Variants in MBD5 observed in about 807,000 individuals in gnomAD.
MBD5 encodes the protein methyl-CpG-binding domain protein 5.
MBD5 carries 13 observed loss-of-function variants against 117.3 expected under a neutral mutation model. The ratio of observed to expected loss-of-function variants is 0.11; its 90% CI spans 0.07 to 0.18. The LOEUF (loss-of-function observed/expected upper bound fraction) is 0.18, where lower values mean the gene tolerates loss of function less well. MBD5 is among the 10% of genes least tolerant of loss of function. MBD5 has a pLI of 1.00. For synonymous variants in MBD5, 727 were observed against 766.4 expected (o/e 0.95, Z 0.85); for missense variants, 1,879 against 2,093.8 (o/e 0.90, Z 2.00).
chr2:148,055,267 T>C (rs564909852), intron 1 of MBD5: 4 of 152,100 alleles, frequency 2.6e-5, no homozygotes, highest in Non-Finnish European at 4.4e-5. Context: ...CTTTTTTGTC[T>C]GTTTAAGTTT....
At chr2:148,421,362 G>C (rs976228354) in intron 4 of MBD5, among the ~76,000 whole-genome samples, 1 of 152,114 alleles carries the variant, frequency 6.6e-6, no homozygotes, top group Non-Finnish European at 1.5e-5. Flanking sequence ...AAGCCATGAG[G>C]GGCTGTGCCA....
At chr2:148,507,794 A>AT (rs912799144) in intron 12 of MBD5, among the ~76,000 whole-genome samples, 62 of 152,004 alleles carry the variant, frequency 4.1e-4, no homozygotes, top group African/African-American at 1.4e-3. Context: ...GCACATAGAC[A>AT]TTTTTTAATA....
intron 4 of MBD5, among the ~76,000 whole-genome samples, chr2:148,417,061 T>TA (rs1226496684): frequency 6.6e-6 from 1 of 152,194 alleles, no homozygotes; most frequent in Non-Finnish European, 1.5e-5. Flanking sequence ...AATTTGACTC[T>TA]ATTTCTTTGC....
At chr2:148,347,541 AG>A in intron 4 of MBD5, 1 of 152,034 alleles carries the variant, frequency 6.6e-6, no homozygotes, top group South Asian at 2.1e-4. Context: ...TGAGCAAGTA[AG>A]CCCCTAGAAA....
chr2:148,091,025 A>C lies in MBD5; in HGVS notation c.-925+69341A>C, dbSNP rs1421899926. Reference sequence around the variant, plus strand: ...CAAGTCAGTAGCACTGCTATATGCCAACAATGACCAAGCTGAGAACTCAAC... The same window carrying C: ...CAAGTCAGTAGCACTGCTATATGCCCACAATGACCAAGCTGAGAACTCAAC... On this transcript the variant is annotated intron_variant, in intron 1 of 13. Coordinates refer to ENST00000642680, the MANE Select transcript of MBD5 (RefSeq NM_001378120.1). Among the ~76,000 whole-genome samples, 3 of 152,176 alleles carry C rather than the reference A, an allele frequency of 2.0e-5. No homozygotes were observed. The East Asian group carries it at 5.8e-4, about 29-fold the overall frequency.
chr2:148,141,567 G>A (rs1697314616), intron 1 of MBD5, among the ~76,000 whole-genome samples: 1 of 152,034 alleles, frequency 6.6e-6, no homozygotes, highest in Admixed American at 6.6e-5. Context: ...ATGCAATAAG[G>A]TGCTATTTAA....
intron 1 of MBD5, among the ~76,000 whole-genome samples, chr2:148,061,187 T>C (rs1358111169): frequency 1.3e-5 from 2 of 152,134 alleles, no homozygotes; most frequent in African/African-American, 4.8e-5. Context: ...GTTCTTCCCC[T>C]GTATCATAAC....
At chr2:148,165,035 T>A (rs1417012740) in intron 1 of MBD5, among the ~76,000 whole-genome samples, 1 of 152,192 alleles carries the variant, frequency 6.6e-6, no homozygotes, top group East Asian at 1.9e-4. Context: ...GAATTTGTTC[T>A]CAGTTATAAC....
At chr2:148,228,375 G>T (rs192392489) in intron 2 of MBD5, among the ~76,000 whole-genome samples, 17,458 of 152,162 alleles carry the variant, frequency 0.11, 1,351 homozygotes, top group Non-Finnish European at 0.18. Flanking sequence ...TAATCATGTG[G>T]TTTTTGTCTT....
intron 1 of MBD5, among the ~76,000 whole-genome samples, chr2:148,116,568 G>A (rs567185640): frequency 1.7e-4 from 26 of 152,318 alleles, no homozygotes; most frequent in African/African-American, 5.5e-4. Context: ...CAGGGTGGAC[G>A]TGTAGGTTAG....
At chr2:148,322,925 A>G (rs1702323326) in intron 3 of MBD5, among the ~76,000 whole-genome samples, 1 of 151,038 alleles carries the variant, frequency 6.6e-6, no homozygotes, top group Non-Finnish European at 1.5e-5. Context: ...TACATGTGCC[A>G]TGCTGGTGCG....
intron 2 of MBD5, among the ~76,000 whole-genome samples, chr2:148,188,911 G>C (rs1176580030): frequency 6.6e-6 from 1 of 151,772 alleles, no homozygotes; most frequent in African/African-American, 2.4e-5. Context: ...CACCGTGCGC[G>C]AGCCGAAGCA....
intron 3 of MBD5, among the ~76,000 whole-genome samples, chr2:148,305,098 G>A (rs1205104452): frequency 6.6e-6 from 1 of 151,986 alleles, no homozygotes; most frequent in Non-Finnish European, 1.5e-5. Flanking sequence ...TAAAAGGCAG[G>A]CCATTTGATC....
At chr2:148,145,713 G>A (rs1240650349) in intron 1 of MBD5, among the ~76,000 whole-genome samples, 1 of 152,122 alleles carries the variant, frequency 6.6e-6, no homozygotes, top group Non-Finnish European at 1.5e-5. Flanking sequence ...TAATCATATG[G>A]TTTTTGTCTT....
intron 1 of MBD5, among the ~76,000 whole-genome samples, chr2:148,131,254 T>C (rs1199119938): frequency 6.6e-6 from 1 of 152,218 alleles, no homozygotes; most frequent in African/African-American, 2.4e-5. Flanking sequence ...GTTCAGGGAA[T>C]ATCTCTTGGT....
At position 148,484,095 on chromosome 2, in the gene MBD5, G is replaced by A. The variant is rs747197881; in HGVS notation, c.3504G>A (p.Val1168=). The stretch of plus-strand genomic sequence containing the variant: ...CTAAACTCAACAGTAACTCTGTGGT[G>A]CCACAGCTACTTAACCCTCTACTGG... ...GPAKLNSNSV[V]PQLLNPLLGT... The change falls in exon 9 of 14, where the codon GTG becomes GTA. Residue 1168 remains valine (V), a synonymous_variant. Transcript: ENST00000642680. 1 of 1,539,108 alleles carries A rather than the reference G, an allele frequency of 6.5e-7. No individual in the cohort carries two copies. Among genetic ancestry groups the A allele is most frequent in the Non-Finnish European group, 8.8e-7 (1 of 1,141,282 alleles).
chr2:148,239,513 T>G (rs965197302), intron 3 of MBD5, among the ~76,000 whole-genome samples: 1 of 152,112 alleles, frequency 6.6e-6, no homozygotes, highest in Non-Finnish European at 1.5e-5. Flanking sequence ...AAGATTTCCT[T>G]TTCCATATTT....
intron 3 of MBD5, among the ~76,000 whole-genome samples, chr2:148,317,783 A>G (rs1702189272): frequency 6.6e-6 from 1 of 152,188 alleles, no homozygotes; most frequent in African/African-American, 2.4e-5. Flanking sequence ...TGCAAAAGAC[A>G]TGATTTCATT....
At chr2:148,081,558 C>T (rs1331202668) in intron 1 of MBD5, among the ~76,000 whole-genome samples, 1 of 152,068 alleles carries the variant, frequency 6.6e-6, no homozygotes, top group Non-Finnish European at 1.5e-5. Context: ...CAATACCAGC[C>T]GTGGTAAGGA....
Sources: allele counts gnomAD v4.1 joint callset (sites outside exome capture counted in the v4.1 genomes callset), GRCh38; gene constraint gnomAD v4.1.1; transcripts MANE v1.5; gene names NCBI Gene and HGNC (gene_info 2026-07-23, HGNC 2026-07-21).